Variants in R3HDM2 observed in about 807,000 individuals in gnomAD.
The protein encoded by R3HDM2 is R3H domain containing 2, also known as R3H domain-containing protein 2.
Under a neutral mutation model 124.5 loss-of-function variants are expected in R3HDM2, and 38 were observed. The ratio of observed to expected loss-of-function variants is 0.31; its 90% CI spans 0.24 to 0.40. The LOEUF is 0.40. Among genes scored for constraint, R3HDM2 ranks in the 10% least tolerant of loss-of-function variants. The pLI is 1.00. For synonymous variants in R3HDM2, 391 were observed against 448.0 expected (o/e 0.87, Z 1.61); for missense variants, 869 against 1,236.9 (o/e 0.70, Z 4.46).
chr12:57,296,622 C>G lies in R3HDM2; in HGVS notation c.561-71G>C. 6.8e-7 allele frequency: 1 copy of G among 1,463,586 alleles called. No individual in the cohort carries two copies. The highest frequency in any genetic ancestry group is 9.3e-7 in the Non-Finnish European group (1 of 1,077,830). 90.7% of individuals were successfully genotyped at this position (1,463,586 alleles called of 1,614,324 possible). On this transcript the variant is annotated intron_variant, in intron 8 of 23. Coordinates refer to ENST00000402412, the MANE Select transcript of R3HDM2 (RefSeq NM_001394031.1). This position sits in a 1 kb window ranked among gnomAD's most constrained non-coding sequence, Gnocchi z 4.5. ...GCAATAACAACCAATTTTAATTTTT[C>G]TTACAAGTGTCTAAAGTGGAAAGTT...
At chr12:57,381,651 AT>A (rs2064898403) in intron 2 of R3HDM2, among the ~76,000 whole-genome samples, 1 of 152,142 alleles carries the variant, frequency 6.6e-6, no homozygotes, top group African/African-American at 2.4e-5. Context: ...ATTAAACAAT[AT>A]AACTTACTGA....
intron 1 of R3HDM2, among the ~76,000 whole-genome samples, chr12:57,423,140 G>A (rs1028972300): frequency 2.0e-5 from 3 of 152,044 alleles, no homozygotes; most frequent in Non-Finnish European, 2.9e-5. Flanking sequence ...AGAGATCTGT[G>A]GCCGGGCGCG....
chr12:57,328,251 A>G (rs1399996480), intron 2 of R3HDM2, among the ~76,000 whole-genome samples: 1 of 152,078 alleles, frequency 6.6e-6, no homozygotes, highest in Non-Finnish European at 1.5e-5. Context: ...CTGTAGAGAC[A>G]GGGTTTCGCT....
At chr12:57,264,649 C>A (rs560958809) in intron 19 of R3HDM2, among the ~76,000 whole-genome samples, 2 of 144,892 alleles carry the variant, frequency 1.4e-5, no homozygotes, top group African/African-American at 2.5e-5. Context: ...GAGACAGGGT[C>A]TTGCTCTCCA....
intron 2 of R3HDM2, chr12:57,341,465 G>C: frequency 1.0e-6 from 1 of 961,062 alleles, no homozygotes; most frequent in Non-Finnish European, 1.2e-6. Flanking sequence ...AAATCACTAC[G>C]TCACTGGAGG....
At position 57,254,805 on chromosome 12, in the gene R3HDM2, G is replaced by T; in HGVS notation, c.2941C>A (p.Leu981Met). 6.3e-7 allele frequency: 1 copy of T among 1,598,166 alleles called. No individual in the cohort carries two copies. Residue 981 changes from leucine to methionine, a missense_variant, in exon 24 of 24, where the codon CTG (leucine) becomes ATG (methionine). By Grantham distance (15) the Leu-to-Met change is conservative. This residue lies in a region of R3HDM2 where 602 missense variants were observed against 789.2 expected (regional missense o/e 0.76). Coordinates refer to ENST00000402412, the MANE Select transcript of R3HDM2 (RefSeq NM_001394031.1). ...KLRMAKKNYD[L>M]RILERASSQ ...GAGCTGGCTCGCTCCAGGATCCTCA[G>T]GTCATAGTTCTTTTTGGCCATTCGA...
chr12:57,405,423 C>T (rs1177518528), intron 1 of R3HDM2, among the ~76,000 whole-genome samples: 2 of 151,964 alleles, frequency 1.3e-5, no homozygotes, highest in Admixed American at 6.6e-5. Flanking sequence ...AGCTTGAGAT[C>T]AGGAGTTCGA....
chr12:57,321,588 TTGCAG>T (rs2056454693), intron 2 of R3HDM2, among the ~76,000 whole-genome samples: 2 of 151,806 alleles, frequency 1.3e-5, no homozygotes, highest in South Asian at 4.2e-4. Context: ...GAGGCAGAGG[TTGCAG>T]TGAGCCAAGA....
chr12:57,427,161 C>T (rs1475727701), intron 1 of R3HDM2, among the ~76,000 whole-genome samples: 17 of 151,572 alleles, frequency 1.1e-4, no homozygotes, highest in African/African-American at 3.6e-4. Flanking sequence ...CGTGGTGGCG[C>T]GTGCCTGTAA....
At chr12:57,346,681 A>G (rs2060125339) in intron 2 of R3HDM2, among the ~76,000 whole-genome samples, 1 of 152,262 alleles carries the variant, frequency 6.6e-6, no homozygotes, top group Non-Finnish European at 1.5e-5. Flanking sequence ...TTACAAAAAG[A>G]AAATGATAAT....
At chr12:57,362,537 G>T (rs2062077638) in intron 2 of R3HDM2, among the ~76,000 whole-genome samples, 1 of 152,194 alleles carries the variant, frequency 6.6e-6, no homozygotes, top group Non-Finnish European at 1.5e-5. Context: ...ACGATTAATA[G>T]TTAAGTTTCT....
intron 2 of R3HDM2, among the ~76,000 whole-genome samples, chr12:57,326,971 G>A (rs2057385374): frequency 7.6e-6 from 1 of 131,102 alleles, no homozygotes; most frequent in Admixed American, 8.8e-5. Flanking sequence ...TAAGCCCACT[G>A]TTGAGATATG....
At chr12:57,377,104 A>AAATAAATAAATAAAT (rs1395609324) in intron 2 of R3HDM2, among the ~76,000 whole-genome samples, 21 of 130,520 alleles carry the variant, frequency 1.6e-4, no homozygotes, top group African/African-American at 5.5e-4. Flanking sequence ...ATAAATAAAT[A>AAATAAATAAATAAAT]AAAGAGACTT....
rs1437733608 is a variant in R3HDM2 at position 57,326,846 on chromosome 12, GA to G, written c.-35-16384del. Among the ~76,000 whole-genome samples the G allele has an allele frequency of 2.6e-5, 4 of 152,240 alleles. 1 individual carries two copies. In the East Asian group the frequency reaches 7.7e-4, roughly 29 times the overall value. On this transcript the variant is annotated intron_variant, in intron 2 of 23. Transcript: ENST00000402412. Reference sequence around the variant, plus strand: ...GAAGCCAATATTAATTTACCATTCTGAAAATCCTATGGCCTTAAGAATTATG... The same window carrying G: ...GAAGCCAATATTAATTTACCATTCTGAAATCCTATGGCCTTAAGAATTATG...
chr12:57,403,173 T>C (rs1422359761), intron 1 of R3HDM2, among the ~76,000 whole-genome samples: 1 of 151,688 alleles, frequency 6.6e-6, no homozygotes, highest in African/African-American at 2.4e-5. Flanking sequence ...CTGACCAACA[T>C]GGTGAAACCT....
intron 2 of R3HDM2, among the ~76,000 whole-genome samples, chr12:57,386,528 G>GCCCGCCATGCCTGAGCCTCCC (rs1379702379): frequency 6.6e-6 from 1 of 152,236 alleles, no homozygotes; most frequent in East Asian, 1.9e-4. Flanking sequence ...GGGACCTGCA[G>GCCCGCCATGCCTGAGCCTCCC]CCCGCCATGC....
intron 2 of R3HDM2, among the ~76,000 whole-genome samples, chr12:57,310,760 G>A (rs1202538424): frequency 6.6e-6 from 1 of 152,084 alleles, no homozygotes; most frequent in Non-Finnish European, 1.5e-5. Flanking sequence ...TGCCCCAAAG[G>A]TTCCTCATGT....
rs374157884 is a variant in R3HDM2 at position 57,411,273 on chromosome 12, T to C, written c.-105-15455A>G. Among the ~76,000 whole-genome samples the C allele has an allele frequency of 1.1e-3, 160 of 152,300 alleles. 5 individuals are homozygous for C. The South Asian group carries it at 0.032, about 30-fold the overall frequency. On this transcript the variant is annotated intron_variant, in intron 1 of 23. Transcript: ENST00000402412. Reference sequence around the variant, plus strand: ...CTAGATGGAGTGCAGTGGTGTGATCTTGGCTGTCTGCAACCTCAGCCTCCT... The same window carrying C: ...CTAGATGGAGTGCAGTGGTGTGATCCTGGCTGTCTGCAACCTCAGCCTCCT...
chr12:57,297,786 A>G (rs1205917216), intron 7 of R3HDM2: 1 of 372,078 alleles, frequency 2.7e-6, no homozygotes, highest in East Asian at 5.3e-5. Flanking sequence ...TTTTTATTTT[A>G]GCTCTTCTTA....
Sources: gnomAD v4.1 joint callset for allele counts (sites outside exome capture counted in the v4.1 genomes callset) on GRCh38, gnomAD v4.1.1 for gene constraint, gnomAD v4.1.1 regional missense constraint, Gnocchi (gnomAD v3.1) non-coding constraint, MANE v1.5 for transcripts, NCBI Gene and HGNC (gene_info 2026-07-23, HGNC 2026-07-21) for gene names.